UPK1B: variants seen among roughly 807,000 people sequenced by gnomAD.
UPK1B encodes the protein uroplakin-1b.
In UPK1B, 28 loss-of-function variants were observed where a neutral mutation model predicts 34.2. The ratio of observed to expected loss-of-function variants is 0.82; its 90% confidence interval spans 0.61 to 1.12. The LOEUF (loss-of-function observed/expected upper bound fraction) is 1.12. Among genes scored for constraint, UPK1B ranks in the 50% most tolerant of loss-of-function variants. The pLI is 0.00. For missense variants in UPK1B, 325 were observed against 320.9 expected, an observed-to-expected ratio of 1.01 and a Z score of -0.10; for synonymous variants, 81 against 110.4, an observed-to-expected ratio of 0.73 and a Z score of 1.67.
chr3:119,175,218 G>A (rs1361066627), intron 1 of UPK1B, among the ~76,000 whole-genome samples: 2 of 150,628 alleles, frequency 1.3e-5, no homozygotes, highest in Non-Finnish European at 3.0e-5. Flanking sequence ...TAGTAGAGAC[G>A]GGGTTTCACC....
At chr3:119,174,915 G>T (rs539998530) in intron 1 of UPK1B, among the ~76,000 whole-genome samples, 3 of 144,794 alleles carry the variant, frequency 2.1e-5, no homozygotes, top group Admixed American at 6.8e-5. Flanking sequence ...TTAACTGCTG[G>T]GAAGAATCAT....
intron 6 of UPK1B, among the ~76,000 whole-genome samples, chr3:119,198,040 G>A (rs2078074305): frequency 1.3e-5 from 2 of 152,190 alleles, no homozygotes; most frequent in African/African-American, 2.4e-5. Context: ...AGTGAAGGAT[G>A]AGTAGATGAC....
intron 6 of UPK1B, among the ~76,000 whole-genome samples, chr3:119,197,221 G>A (rs1041248597): frequency 1.3e-5 from 2 of 152,150 alleles, no homozygotes; most frequent in Non-Finnish European, 2.9e-5. Flanking sequence ...TATATTCTAT[G>A]TTATGGTTTA....
At chr3:119,180,285 A>T (rs1369895309) in intron 1 of UPK1B, among the ~76,000 whole-genome samples, 1 of 152,206 alleles carries the variant, frequency 6.6e-6, no homozygotes, top group Non-Finnish European at 1.5e-5. Flanking sequence ...AATCTGCTTT[A>T]CTGCTTTACT....
At chr3:119,180,685 TA>T (rs1249117416) in intron 1 of UPK1B, among the ~76,000 whole-genome samples, 4 of 145,918 alleles carry the variant, frequency 2.7e-5, no homozygotes, top group Admixed American at 6.8e-5. Context: ...TTTTTTTTTT[TA>T]AATATCCATT....
chr3:119,177,636 A>T (rs1397788961), intron 1 of UPK1B, among the ~76,000 whole-genome samples: 1 of 152,280 alleles, frequency 6.6e-6, no homozygotes, highest in East Asian at 1.9e-4. Flanking sequence ...CCAAAAGTGT[A>T]GTCATTGACT....
chr3:119,184,022 C>G (rs2078002355), intron 1 of UPK1B, among the ~76,000 whole-genome samples: 1 of 152,288 alleles, frequency 6.6e-6, no homozygotes, highest in South Asian at 2.1e-4. Context: ...CAATAACCAA[C>G]CCACAGCTGG....
intron 1 of UPK1B, among the ~76,000 whole-genome samples, chr3:119,177,325 A>C (rs1471877441): frequency 6.6e-6 from 1 of 152,198 alleles, no homozygotes; most frequent in Non-Finnish European, 1.5e-5. Flanking sequence ...AAAAGACGTA[A>C]AGGGAAGTGG....
intron 7 of UPK1B, among the ~76,000 whole-genome samples, chr3:119,199,871 T>C (rs1319977755): frequency 1.3e-5 from 2 of 152,216 alleles, no homozygotes; most frequent in Admixed American, 1.3e-4. Flanking sequence ...CTTTTCTCTA[T>C]GTGGCCTATA....
chr3:119,184,516 G>A (rs1313990897), intron 1 of UPK1B, among the ~76,000 whole-genome samples: 3 of 148,810 alleles, frequency 2.0e-5, no homozygotes, highest in South Asian at 2.1e-4. Context: ...TCAGGAGTTC[G>A]AGACCAGCCT....
At position 119,175,080 on chromosome 3, in the gene UPK1B, T is replaced by C. The variant is rs2077949424; in HGVS notation, c.-29+1442T>C. Among the ~76,000 whole-genome samples the C allele has an allele frequency of 2.3e-5, 3 of 128,918 alleles. No individual in the cohort carries two copies. In the South Asian group the frequency reaches 8.2e-4, roughly 35 times the overall value. The allele number at this position is 128,918 out of a possible 152,430, so 84.6% of individuals were successfully genotyped here. On this transcript the variant is annotated intron_variant, in intron 1 of 7. Transcript: ENST00000264234. Reference sequence around the variant, plus strand: ...AGTCACTCTGAGGCCCAGGCTGGAGTGCAGTGGCGTGATCTCTGCTCACTG... The same window carrying C: ...AGTCACTCTGAGGCCCAGGCTGGAGCGCAGTGGCGTGATCTCTGCTCACTG...
At chr3:119,182,550 A>G (rs569504889) in intron 1 of UPK1B, among the ~76,000 whole-genome samples, 3 of 152,348 alleles carry the variant, frequency 2.0e-5, no homozygotes, top group South Asian at 4.1e-4. Context: ...TAAACGAGGA[A>G]GTAGATACTA....
intron 5 of UPK1B, among the ~76,000 whole-genome samples, chr3:119,192,900 T>C (rs183536803): frequency 2.6e-5 from 4 of 152,362 alleles, no homozygotes; most frequent in Admixed American, 6.5e-5. Flanking sequence ...ACTACTGTTT[T>C]GTTTTATTCC....
chr3:119,192,067 CCT>C (rs1401543504), intron 5 of UPK1B, among the ~76,000 whole-genome samples: 1 of 152,160 alleles, frequency 6.6e-6, no homozygotes, highest in Non-Finnish European at 1.5e-5. Flanking sequence ...TTTCTCCCCA[CCT>C]CCACCCTCTT....
intron 5 of UPK1B, among the ~76,000 whole-genome samples, chr3:119,192,675 T>C (rs2107434494): frequency 6.6e-6 from 1 of 152,304 alleles, no homozygotes; most frequent in East Asian, 1.9e-4. Flanking sequence ...GATATACACC[T>C]GTGCACTTTG....
At chr3:119,195,933 A>G (rs1010903407) in intron 6 of UPK1B, among the ~76,000 whole-genome samples, 8 of 152,124 alleles carry the variant, frequency 5.3e-5, no homozygotes, top group Non-Finnish European at 2.9e-5. Context: ...CCATTTTGAC[A>G]ATGCTTCTAA....
At chr3:119,195,806 C>T (rs1187463484) in intron 6 of UPK1B, among the ~76,000 whole-genome samples, 2 of 152,082 alleles carry the variant, frequency 1.3e-5, no homozygotes, top group African/African-American at 4.8e-5. Flanking sequence ...TTTTTCCTAG[C>T]ACATATAATA....
chr3:119,183,608 G>T (rs1489173742), intron 1 of UPK1B, among the ~76,000 whole-genome samples: 1 of 152,082 alleles, frequency 6.6e-6, no homozygotes, highest in Non-Finnish European at 1.5e-5. Context: ...TCTCCCCCTA[G>T]ATCCTTCAGA....
intron 1 of UPK1B, among the ~76,000 whole-genome samples, chr3:119,183,505 G>A (rs13071847): frequency 0.37 from 55,963 of 151,764 alleles, 11,400 homozygotes; most frequent in Non-Finnish European, 0.46. Flanking sequence ...CAGGTGATCT[G>A]CCCACCTCAG....
Sources: allele counts gnomAD v4.1 joint callset (sites outside exome capture counted in the v4.1 genomes callset), GRCh38; gene constraint gnomAD v4.1.1; transcripts MANE v1.5; gene names NCBI Gene and HGNC (gene_info 2026-07-23, HGNC 2026-07-21).